The following MBTPS1 variants were observed in gnomAD, a reference collection of about 807,000 sequenced individuals.
MBTPS1 encodes the protein membrane-bound transcription factor site-1 protease.
A neutral mutation model predicts 127.8 loss-of-function variants in MBTPS1; 94 were observed. The ratio of observed to expected loss-of-function variants is 0.74; its 90% confidence interval spans 0.62 to 0.87. The LOEUF is 0.87. Ranked by LOEUF, MBTPS1 falls within the 40% of genes least tolerant of loss-of-function variation. The pLI is 0.00. For synonymous variants in MBTPS1, 632 were observed against 509.4 expected, an observed-to-expected ratio of 1.24 and a Z score of -3.24; for missense variants, 1,636 against 1,353.2, an observed-to-expected ratio of 1.21 and a Z score of -3.28.
intron 1 of MBTPS1, among the ~76,000 whole-genome samples, chr16:84,113,545 A>G (rs183972200): frequency 1.4e-4 from 22 of 152,382 alleles, no homozygotes; most frequent in Middle Eastern, 6.8e-3. Flanking sequence ...CAACTGGCCT[A>G]GCTGGTGGCT....
intron 1 of MBTPS1, among the ~76,000 whole-genome samples, chr16:84,111,480 G>A (rs1016858582): frequency 6.6e-6 from 1 of 152,044 alleles, no homozygotes; most frequent in Non-Finnish European, 1.5e-5. Flanking sequence ...GGCAGAGGTT[G>A]CAGTGAGCCA....
chr16:84,093,614 G>A, intron 5 of MBTPS1, 97 bp downstream of exon 5: 1 of 891,964 alleles, frequency 1.1e-6, no homozygotes, highest in African/African-American at 1.6e-5. Context: ...AACACCTTGG[G>A]CTTGTCTGAA....
At chr16:84,113,231 G>C (rs1183540473) in intron 1 of MBTPS1, among the ~76,000 whole-genome samples, 2 of 152,104 alleles carry the variant, frequency 1.3e-5, no homozygotes, top group Admixed American at 1.3e-4. Context: ...ACTTAACTTA[G>C]AGAGCCTACT....
At chr16:84,092,481 C>G (rs1379318930) in intron 6 of MBTPS1, among the ~76,000 whole-genome samples, 1 of 152,044 alleles carries the variant, frequency 6.6e-6, no homozygotes, top group East Asian at 1.9e-4. Flanking sequence ...CTTATATTTT[C>G]TCATATACAC....
In MBTPS1 at chr16:84,074,629, C is replaced by T. The variant is rs1225438445; in HGVS notation, c.1561G>A (p.Gly521Ser). The T allele has an allele frequency of 6.2e-6, 10 of 1,613,936 alleles. No individual in the cohort carries two copies. Among genetic ancestry groups the T allele is most frequent in the Admixed American group, 1.7e-5 (1 of 59,992 alleles). The change falls in exon 12 of 23, where the codon GGC becomes AGC. Residue 521 changes from glycine (G) to serine (S), a missense_variant. Gly to Ser is a moderately conservative substitution (Grantham distance 56). Transcript: ENST00000343411. ...ACAATTCTTCCTGTGACTCCCATGC[C>T]GTTGAGGATGGTGACATTAACAACT... ...PTVVNVTILN[G>S]MGVTGRIVDK...
chr16:84,065,427 C>T (rs1374189143), intron 18 of MBTPS1, among the ~76,000 whole-genome samples: 1 of 151,996 alleles, frequency 6.6e-6, no homozygotes, highest in East Asian at 1.9e-4. Context: ...TAAAAGAAAC[C>T]AAAATGTCGA....
chr16:84,105,512 G>C (rs2086311000), intron 1 of MBTPS1, among the ~76,000 whole-genome samples: 1 of 152,158 alleles, frequency 6.6e-6, no homozygotes, highest in African/African-American at 2.4e-5. Context: ...GGAAGAATCT[G>C]AGCTCAGTAG....
chr16:84,104,665 T>G (rs959485269), intron 1 of MBTPS1, among the ~76,000 whole-genome samples: 3 of 152,152 alleles, frequency 2.0e-5, no homozygotes, highest in Admixed American at 2.0e-4. Flanking sequence ...GACTCTTAGG[T>G]AAGAAATTTT....
chr16:84,091,714 T>A lies in MBTPS1; in HGVS notation c.963+18A>T. 6.4e-7 allele frequency: 1 copy of A among 1,570,244 alleles called. No individual in the cohort carries two copies. Among genetic ancestry groups the A allele is most frequent in the Non-Finnish European group, 8.8e-7 (1 of 1,140,094 alleles). On this transcript the variant is annotated intron_variant, in intron 7 of 22. Transcript: ENST00000343411. ...CAGGAGCTGTCACCCAAACCCCGTG[T>A]GCAGTGACTCCACAAACCTTGTCAA...
chr16:84,054,634 C>T lies in MBTPS1; in HGVS notation c.2974G>A (p.Gly992Ser). 1.9e-6 allele frequency: 3 copies of T among 1,601,410 alleles called. No homozygotes were observed. The highest frequency in any genetic ancestry group is 3.4e-4 in the Middle Eastern group (2 of 5,956). The change falls in exon 23 of 23, where the codon GGC becomes AGC. Residue 992 changes from glycine (G) to serine (S), a missense_variant. Gly to Ser is a moderately conservative substitution (Grantham distance 56). Coordinates refer to ENST00000343411, the MANE Select transcript of MBTPS1 (RefSeq NM_003791.4). ...AWDIPGGIMP[G>S]RYNQEVGQTI... ...TGGCCCACCTCCTGGTTGTAGCGGCCAGGCATGATCCCTGTAAGAGGACAG... is the reference window on the plus strand; with the variant it reads ...TGGCCCACCTCCTGGTTGTAGCGGCTAGGCATGATCCCTGTAAGAGGACAG...
In MBTPS1 at chr16:84,059,153, C is replaced by T. The variant is rs147749094; in HGVS notation, c.2831+149G>A. ...AAGAGCCTATTTCCAAAGGCCAATA[C>T]GAGGTTCACTAAATAACTGTCGCAA... On this transcript the variant is annotated intron_variant, in intron 21 of 22. Transcript: ENST00000343411. 3,518 of 1,014,424 alleles carry T rather than the reference C, an allele frequency of 3.5e-3. 13 individuals carry two copies. Among genetic ancestry groups the T allele is most frequent in the Non-Finnish European group, 4.4e-3 (3,075 of 701,172 alleles). The allele number at this position is 1,014,424 out of a possible 1,614,324, so 62.8% of individuals were successfully genotyped here. A position where few individuals can be genotyped will look rare whatever the true frequency, so the allele number is the denominator to read the frequency against.
Position 84,110,356 on chromosome 16 carries a change from A to G in MBTPS1, c.-325+6379T>C, listed in dbSNP as rs1027053981. Among the ~76,000 whole-genome samples the G allele has an allele frequency of 2.6e-5, 4 of 152,342 alleles. No individual in the cohort carries two copies. In the East Asian group the frequency reaches 5.8e-4, roughly 22 times the overall value. On this transcript the variant is annotated intron_variant, in intron 1 of 22. Transcript: ENST00000343411. ...GTGTTTCTATGATTTACATTAAACA[A>G]ATCAAGTAACATTTTGACAGAAAAA...
At chr16:84,077,411 A>C (rs1327258517) in intron 11 of MBTPS1, among the ~76,000 whole-genome samples, 1 of 152,198 alleles carries the variant, frequency 6.6e-6, no homozygotes, top group Non-Finnish European at 1.5e-5. Flanking sequence ...GACCAGTGGA[A>C]CAGAATGGAA....
chr16:84,097,837 C>CGTGT (rs71382894), intron 3 of MBTPS1, among the ~76,000 whole-genome samples: 61,152 of 142,878 alleles, frequency 0.43, 13,833 homozygotes, highest in Non-Finnish European at 0.52. Context: ...AACTTCTCTT[C>CGTGT]GTGTGTGTGT....
chr16:84,058,403 CT>C (rs2085551614), intron 21 of MBTPS1, among the ~76,000 whole-genome samples: 1 of 152,182 alleles, frequency 6.6e-6, no homozygotes, highest in Non-Finnish European at 1.5e-5. Context: ...AGAGGGTAGC[CT>C]CCTGCCTGAG....
intron 22 of MBTPS1, 44 bp downstream of exon 22, chr16:84,055,961 A>C: frequency 6.3e-7 from 1 of 1,591,554 alleles, no homozygotes; most frequent in Non-Finnish European, 8.6e-7. Flanking sequence ...TTTGAACAAA[A>C]TACAGGATGA....
At position 84,087,338 on chromosome 16, in the gene MBTPS1, T is replaced by C. The variant is rs1395217354; in HGVS notation, c.1134+20A>G. On this transcript the variant is annotated intron_variant, in intron 9 of 22. Transcript: ENST00000343411. ...TAGTTTGTCCAGCTAAATACAATTA[T>C]TTAGCAAAGAAGAGCGTACCCAGGT... is the stretch of plus-strand genomic sequence containing the variant. 1 of 1,589,220 alleles carries C rather than the reference T, an allele frequency of 6.3e-7. No individual in the cohort carries two copies. Among genetic ancestry groups the C allele is most frequent in the Non-Finnish European group, 8.6e-7 (1 of 1,157,786 alleles).
chr16:84,093,763 G>T lies in MBTPS1; in HGVS notation c.684C>A (p.Phe228Leu). The change falls in exon 5 of 23, where the codon TTC becomes TTA. Residue 228 changes from phenylalanine (F) to leucine (L), a missense_variant. Phe to Leu is a conservative substitution (Grantham distance 22). Transcript: ENST00000343411. ...DTGLSEKHPH[F>L]KNVKERTNWT... ...AGTTGGTTCTCTCCTTCACATTTTT[G>T]AAGTGGGGATGCTTCTCGCTCAGCC... The T allele has an allele frequency of 6.2e-7, 1 of 1,614,020 alleles. No homozygotes were observed. The highest frequency in any genetic ancestry group is 8.5e-7 in the Non-Finnish European group (1 of 1,179,998).
chr16:84,068,939 T>A (rs1432004478), intron 14 of MBTPS1, among the ~76,000 whole-genome samples: 1 of 152,176 alleles, frequency 6.6e-6, no homozygotes, highest in Non-Finnish European at 1.5e-5. Context: ...CACTTTCCTA[T>A]GGGACACTGT....
Sources: gnomAD v4.1 joint callset for allele counts (sites outside exome capture counted in the v4.1 genomes callset) on GRCh38, gnomAD v4.1.1 for gene constraint, MANE v1.5 for transcripts, NCBI Gene and HGNC (gene_info 2026-07-23, HGNC 2026-07-21) for gene names.